The following GALNT10 variants were observed in gnomAD, a reference collection of about 807,000 sequenced individuals.
GALNT10 encodes the protein polypeptide N-acetylgalactosaminyltransferase 10.
Under a neutral mutation model 75.0 loss-of-function variants are expected in GALNT10, and 41 were observed. The observed-to-expected ratio is 0.55, with a 90% CI of 0.43 to 0.71. The LOEUF is 0.71. Among genes scored for constraint, GALNT10 ranks in the 30% least tolerant of loss-of-function variants. The pLI is 0.00. For synonymous variants in GALNT10, 302 were observed against 313.0 expected, an observed-to-expected ratio of 0.96 and a Z score of 0.37; for missense variants, 727 against 818.5, an observed-to-expected ratio of 0.89 and a Z score of 1.36.
chr5:154,192,464 T>C (rs1774872586), intron 1 of GALNT10, among the ~76,000 whole-genome samples: 1 of 152,258 alleles, frequency 6.6e-6, no homozygotes, highest in Non-Finnish European at 1.5e-5. Context: ...CCTCTGTTCC[T>C]ATTCAGTACC....
rs563510814 is a variant in GALNT10, at chr5:154,307,972, C to CA, written c.401+9904dup. Among the ~76,000 whole-genome samples, 237 of 126,954 alleles carry CA rather than the reference C, an allele frequency of 1.9e-3. 1 individual carries two copies. The highest frequency in any genetic ancestry group is 0.014 in the South Asian group (55 of 3,828). 83.3% of individuals were successfully genotyped at this position (126,954 alleles called of 152,430 possible). ...TTCTATACCCAGTGAAAATATCTTCCAAAAAAAAAAAGATACCAGATAGAA... is the reference window on the plus strand; with the variant it reads ...TTCTATACCCAGTGAAAATATCTTCCAAAAAAAAAAAAGATACCAGATAGAA... On this transcript the variant is annotated intron_variant, in intron 3 of 11. Transcript: ENST00000297107.
intron 1 of GALNT10, among the ~76,000 whole-genome samples, chr5:154,230,513 C>T (rs12520642): frequency 0.63 from 95,279 of 151,962 alleles, 31,012 homozygotes; most frequent in East Asian, 0.85. Context: ...CTTTCAAGGC[C>T]CCAAATCTGC....
intron 3 of GALNT10, among the ~76,000 whole-genome samples, chr5:154,328,497 A>G (rs1754791611): frequency 6.6e-6 from 1 of 152,214 alleles, no homozygotes; most frequent in Admixed American, 6.5e-5. Flanking sequence ...CACACATGCA[A>G]CACAGAATAC....
intron 1 of GALNT10, among the ~76,000 whole-genome samples, chr5:154,203,423 T>C (rs1369006634): frequency 6.6e-6 from 1 of 152,222 alleles, no homozygotes; most frequent in African/African-American, 2.4e-5. Context: ...GCCAAATGGT[T>C]ACCATCTTTG....
At chr5:154,204,963 T>C (rs1775084445) in intron 1 of GALNT10, among the ~76,000 whole-genome samples, 1 of 152,218 alleles carries the variant, frequency 6.6e-6, no homozygotes, top group Admixed American at 6.5e-5. Flanking sequence ...TCAAGAATAT[T>C]TGTTGAATTA....
intron 1 of GALNT10, among the ~76,000 whole-genome samples, chr5:154,237,188 A>G (rs1753261046): frequency 6.6e-6 from 1 of 152,096 alleles, no homozygotes; most frequent in Non-Finnish European, 1.5e-5. Flanking sequence ...GAGGCAGGAC[A>G]TTGTCGCCCC....
In GALNT10 at chr5:154,213,727, A is replaced by C. The variant is rs1330802577; in HGVS notation, c.159+22702A>C. ...ACCCCCGGTTGCTGGGACTATAGGC[A>C]GGTGCCACCATGCTGGCTAGTTTTT... On this transcript the variant is annotated intron_variant, in intron 1 of 11. Coordinates refer to ENST00000297107, the MANE Select transcript of GALNT10 (RefSeq NM_198321.4). Among the ~76,000 whole-genome samples the C allele has an allele frequency of 1.1e-4, 17 of 152,192 alleles. No homozygotes were observed. The South Asian group carries it at 1.7e-3, about 15-fold the overall frequency.
intron 1 of GALNT10, among the ~76,000 whole-genome samples, chr5:154,250,222 C>G (rs1437490059): frequency 6.6e-6 from 1 of 152,094 alleles, no homozygotes; most frequent in African/African-American, 2.4e-5. Context: ...ATAAGTCAGT[C>G]CTTTGGACCA....
At chr5:154,258,598 G>A (rs1355009819) in intron 1 of GALNT10, among the ~76,000 whole-genome samples, 1 of 152,208 alleles carries the variant, frequency 6.6e-6, no homozygotes, top group African/African-American at 2.4e-5. Flanking sequence ...ATTCTAGCCT[G>A]TGACCCTTGT....
intron 1 of GALNT10, among the ~76,000 whole-genome samples, chr5:154,261,807 C>A (rs1258841075): frequency 6.6e-6 from 1 of 152,164 alleles, no homozygotes; most frequent in Non-Finnish European, 1.5e-5. Flanking sequence ...AAAATCCGTA[C>A]CTATTTAGCT....
intron 4 of GALNT10, among the ~76,000 whole-genome samples, chr5:154,363,846 C>T (rs769136689): frequency 2.5e-4 from 38 of 152,216 alleles, no homozygotes; most frequent in Non-Finnish European, 4.3e-4. Context: ...TTTATATCTT[C>T]CCCTGGGTGA....
At chr5:154,315,591 C>G (rs1754584613) in intron 3 of GALNT10, among the ~76,000 whole-genome samples, 1 of 152,202 alleles carries the variant, frequency 6.6e-6, no homozygotes, top group Non-Finnish European at 1.5e-5. Context: ...GTCTGGTGAG[C>G]CTCATTTGGG....
intron 7 of GALNT10, chr5:154,393,051 T>C (rs1582008036): frequency 1.4e-4 from 3 of 20,774 alleles, no homozygotes; most frequent in Admixed American, 5.6e-4. Flanking sequence ...AAATTGGAGG[T>C]CTCCACAAAA....
At position 154,337,779 on chromosome 5, in the gene GALNT10, C is replaced by T. The variant is rs551033019; in HGVS notation, c.568+8041C>T. 247 of 1,079,194 alleles carry T rather than the reference C, an allele frequency of 2.3e-4. 2 individuals carry two copies. In the African/African-American group the frequency reaches 3.5e-3, roughly 15 times the overall value. 66.9% of individuals were successfully genotyped at this position (1,079,194 alleles called of 1,614,324 possible). A position where few individuals can be genotyped will look rare whatever the true frequency, so the allele number is the denominator to read the frequency against. On this transcript the variant is annotated intron_variant, in intron 4 of 11. Transcript: ENST00000297107. ...ACAACCACTGAAGTTTCATCCATGA[C>T]CAAAGTTGTCATTCCCACTAAAACC...
chr5:154,261,589 G>A (rs764089756), intron 1 of GALNT10, among the ~76,000 whole-genome samples: 11 of 152,214 alleles, frequency 7.2e-5, no homozygotes, highest in South Asian at 2.1e-4. Flanking sequence ...TCCTACTACC[G>A]GAGGTATATA....
chr5:154,392,628 G>C (rs757087525), intron 7 of GALNT10: 2 of 152,404 alleles, frequency 1.3e-5, no homozygotes, highest in East Asian at 3.9e-4. Flanking sequence ...CAGATATGAG[G>C]GGTTGTTTGG....
chr5:154,347,507 C>G (rs540355250), intron 4 of GALNT10, among the ~76,000 whole-genome samples: 10 of 152,064 alleles, frequency 6.6e-5, no homozygotes, highest in Non-Finnish European at 1.0e-4. Flanking sequence ...GGACTATAGG[C>G]ATGCACCACC....
chr5:154,368,667 C>T (rs1444437964), intron 4 of GALNT10, among the ~76,000 whole-genome samples: 2 of 152,186 alleles, frequency 1.3e-5, no homozygotes, highest in African/African-American at 2.4e-5. Context: ...GTATGTCTTT[C>T]CTGAAGGGCT....
chr5:154,218,599 G>A (rs149572319), intron 1 of GALNT10, among the ~76,000 whole-genome samples: 145 of 152,300 alleles, frequency 9.5e-4, no homozygotes, highest in African/African-American at 3.3e-3. Context: ...CAAAGGGTAA[G>A]CATGAGTGGT....
Sources: gnomAD v4.1 joint callset for allele counts (sites outside exome capture counted in the v4.1 genomes callset) on GRCh38, gnomAD v4.1.1 for gene constraint, MANE v1.5 for transcripts, NCBI Gene and HGNC (gene_info 2026-07-23, HGNC 2026-07-21) for gene names.